SHROOM2: variants seen among roughly 807,000 people sequenced by gnomAD.
The protein encoded by SHROOM2 is shroom family member 2.
SHROOM2 carries 33 observed loss-of-function variants against 75.9 expected under a neutral mutation model. The observed-to-expected ratio is 0.43, with a 90% CI of 0.33 to 0.58. SHROOM2 has a LOEUF of 0.58. SHROOM2 is among the 20% of genes least tolerant of loss of function. SHROOM2 has a pLI of 0.04. For missense variants in SHROOM2, 1,434 were observed against 1,461.2 expected (o/e 0.98, Z 0.30); for synonymous variants, 655 against 663.6 (o/e 0.99, Z 0.20).
intron 1 of SHROOM2, among the ~76,000 whole-genome samples, chrX:9,813,323 C>A (rs978120785): frequency 3.6e-5 from 4 of 110,830 alleles, no homozygotes; most frequent in Non-Finnish European, 7.6e-5. Context: ...CACTGTAAGT[C>A]GGACCTGAGC....
chrX:9,937,073 G>C (rs761040212), intron 6 of SHROOM2, 61 bp from the exon 7 acceptor site: 2 of 1,084,298 alleles, frequency 1.8e-6, no homozygotes, highest in African/African-American at 3.8e-5. Flanking sequence ...CAGGGGACAC[G>C]TCAATCAGGG....
Position 9,946,820 on chromosome X carries a change from C to T in SHROOM2, c.4734C>T (p.Phe1578=), listed in dbSNP as rs756054290. Residue 1578 remains phenylalanine (F), a synonymous_variant, in exon 10 of 10, where the codon TTC becomes TTT. Coordinates refer to ENST00000380913, the MANE Select transcript of SHROOM2 (RefSeq NM_001649.4). ...AGAGCCTCGCGGACTATGAGCACTT[C>T]GTGAAGATGAAGTCGGCCCTCATCA... ...SEESLADYEH[F]VKMKSALIIE... is the part of the protein sequence containing the mutation. The T allele has an allele frequency of 5.5e-5, 66 of 1,202,027 alleles. No individual in the cohort carries two copies. Among genetic ancestry groups the T allele is most frequent in the East Asian group, 3.0e-4 (10 of 33,354 alleles).
rs374969022 is a variant in SHROOM2, at chrX:9,894,511, C to T, written c.603C>T (p.Gly201=). Residue 201 remains glycine (G), a synonymous_variant, in exon 4 of 10, where the codon GGC becomes GGT. Transcript: ENST00000380913. The stretch of plus-strand genomic sequence containing the variant: ...CCAACAGCAGCATCGACCACCTGGG[C>T]AGCCACAGCAAGCGCGACTCGGCCT... ...AKSNSSIDHL[G]SHSKRDSAYG... 1.5e-4 allele frequency: 182 copies of T among 1,209,351 alleles called. No homozygotes were observed. Among genetic ancestry groups the T allele is most frequent in the Non-Finnish European group, 1.8e-4 (165 of 895,088 alleles).
chrX:9,898,065 C>T, intron 4 of SHROOM2, 125 bp from the exon 5 acceptor site: 1 of 556,983 alleles, frequency 1.8e-6, no homozygotes, highest in Non-Finnish European at 3.1e-6. Context: ...TTTCAGTCAT[C>T]TCAATGAAAT....
intron 5 of SHROOM2, among the ~76,000 whole-genome samples, chrX:9,905,786 A>G (rs1001783405): frequency 8.9e-6 from 1 of 112,381 alleles, no homozygotes; most frequent in Non-Finnish European, 1.9e-5. Context: ...GTGCTGACAC[A>G]GTTTCCCTTG....
chrX:9,949,247 G>A lies in SHROOM2; in HGVS notation c.*2310G>A, dbSNP rs1209903585. Reference sequence around the variant, plus strand: ...GGTGCTAATGGTTGGCCCTGGTGTTGTTGGGTGGCAGCTGCTCCTTCGCCC... The same window carrying A: ...GGTGCTAATGGTTGGCCCTGGTGTTATTGGGTGGCAGCTGCTCCTTCGCCC... On this transcript the variant is annotated 3_prime_UTR_variant, in exon 10 of 10. Coordinates refer to ENST00000380913, the MANE Select transcript of SHROOM2 (RefSeq NM_001649.4). 2 of 308,021 alleles carry A rather than the reference G, an allele frequency of 6.5e-6. No homozygotes were observed. Among genetic ancestry groups the A allele is most frequent in the African/African-American group, 5.4e-5 (2 of 36,851 alleles). 25.4% of individuals were successfully genotyped at this position (308,021 alleles called of 1,213,427 possible).
intron 1 of SHROOM2, among the ~76,000 whole-genome samples, chrX:9,823,206 TTCCTCCTCC>T (rs200757192): frequency 6.0e-4 from 46 of 76,217 alleles, no homozygotes; most frequent in South Asian, 4.3e-3. Context: ...CCTTCTCCTC[TTCCTCCTCC>T]TCCTCCTCCT....
rs764447467 is a variant in SHROOM2, at chrX:9,822,222, C to A, written c.165+35512C>A. 3.7e-4 allele frequency among the ~76,000 whole-genome samples: 41 copies of A among 111,730 alleles called. No individual in the cohort carries two copies. In the South Asian group the frequency reaches 0.015, roughly 40 times the overall value. Reference sequence around the variant, plus strand: ...GGGTGAACCCCGATTGAGGGAGAAACTCACATGGTGTTCCTCCAGGGCATG... The same window carrying A: ...GGGTGAACCCCGATTGAGGGAGAAAATCACATGGTGTTCCTCCAGGGCATG... On this transcript the variant is annotated intron_variant, in intron 1 of 9. Coordinates refer to ENST00000380913, the MANE Select transcript of SHROOM2 (RefSeq NM_001649.4).
At chrX:9,890,923 A>G (rs777509317) in intron 2 of SHROOM2, 54 bp from the exon 3 acceptor site, 1 of 1,134,519 alleles carries the variant, frequency 8.8e-7, no homozygotes, top group African/African-American at 1.8e-5. Flanking sequence ...TTGGCACGAG[A>G]GTGAGCGCTG....
At chrX:9,940,011 C>G (rs2084755216) in intron 8 of SHROOM2, among the ~76,000 whole-genome samples, 1 of 111,228 alleles carries the variant, frequency 9.0e-6, no homozygotes, top group Non-Finnish European at 1.9e-5. Flanking sequence ...GGTCTCGAAC[C>G]TCAAGTGATC....
intron 1 of SHROOM2, among the ~76,000 whole-genome samples, chrX:9,838,383 C>T (rs962318931): frequency 2.7e-5 from 3 of 110,531 alleles, no homozygotes; most frequent in Non-Finnish European, 5.7e-5. Context: ...TTTAAGGTCA[C>T]GAGCTGGCTG....
chrX:9,905,135 G>A (rs1014827119), intron 5 of SHROOM2, among the ~76,000 whole-genome samples: 1 of 112,264 alleles, frequency 8.9e-6, no homozygotes, highest in Non-Finnish European at 1.9e-5. Context: ...GATTACAAGG[G>A]TGAGCCACCA....
At chrX:9,899,890 T>A (rs2084356385) in intron 5 of SHROOM2, among the ~76,000 whole-genome samples, 1 of 112,262 alleles carries the variant, frequency 8.9e-6, no homozygotes, top group Admixed American at 9.4e-5. Context: ...CTCGATGGGC[T>A]CTGCACATGC....
intron 1 of SHROOM2, among the ~76,000 whole-genome samples, chrX:9,852,640 CT>C (rs2084046916): frequency 8.8e-6 from 1 of 113,074 alleles, no homozygotes; most frequent in South Asian, 3.6e-4. Flanking sequence ...CACTTTCCCC[CT>C]GGGATACCCA....
chrX:9,908,241 G>A (rs941377099), intron 5 of SHROOM2, among the ~76,000 whole-genome samples: 1 of 111,976 alleles, frequency 8.9e-6, no homozygotes, highest in African/African-American at 3.3e-5. Context: ...TGATAGCCTG[G>A]GTTAGGGAAG....
At chrX:9,787,324 T>G (rs1161959144) in intron 1 of SHROOM2, among the ~76,000 whole-genome samples, 1 of 91,284 alleles carries the variant, frequency 1.1e-5, no homozygotes, top group African/African-American at 3.9e-5. Context: ...TCCAGATGTA[T>G]CTCATCAGGA....
chrX:9,889,567 T>C (rs138672993), intron 2 of SHROOM2, among the ~76,000 whole-genome samples: 1,688 of 111,702 alleles, frequency 0.015, 29 homozygotes, highest in African/African-American at 0.05. Flanking sequence ...CCGACATCCA[T>C]TGGGATTTCT....
chrX:9,856,531 A>G (rs1390601328), intron 1 of SHROOM2, among the ~76,000 whole-genome samples: 2 of 111,953 alleles, frequency 1.8e-5, no homozygotes, highest in Non-Finnish European at 3.8e-5. Context: ...ATAAACATTA[A>G]AGGAAAAATC....
intron 1 of SHROOM2, among the ~76,000 whole-genome samples, chrX:9,828,408 T>C (rs945062970): frequency 1.8e-5 from 2 of 112,080 alleles, no homozygotes; most frequent in African/African-American, 6.5e-5. Context: ...CTCAGCCTGA[T>C]AGACTTTCTC....
Sources: gnomAD v4.1 joint callset for allele counts (sites outside exome capture counted in the v4.1 genomes callset) on GRCh38, gnomAD v4.1.1 for gene constraint, MANE v1.5 for transcripts, NCBI Gene and HGNC (gene_info 2026-07-23, HGNC 2026-07-21) for gene names.